Variants in ACYP2 observed in about 807,000 individuals in gnomAD.
ACYP2 encodes the protein acylphosphatase 2, also known as acylphosphatase-2.
A neutral mutation model predicts 11.2 loss-of-function variants in ACYP2; 12 were observed. The observed-to-expected ratio is 1.08, with a 90% CI of 0.69 to 1.74. The LOEUF is 1.74. Ranked by LOEUF, ACYP2 falls within the 40% of genes most tolerant of loss-of-function variation. ACYP2 has a pLI of 0.00. For synonymous variants in ACYP2, 43 were observed against 32.2 expected, an observed-to-expected ratio of 1.33 and a Z score of -1.13; for missense variants, 134 against 101.9, an observed-to-expected ratio of 1.31 and a Z score of -1.35.
chr2:54,041,498 G>T (rs1407769334), intron 2 of ACYP2, among the ~76,000 whole-genome samples: 3 of 152,198 alleles, frequency 2.0e-5, no homozygotes, highest in Non-Finnish European at 2.9e-5. Context: ...GGGAAATTCA[G>T]TGTGGTTGTT....
At chr2:54,140,549 CT>C (rs1681549354) in intron 6 of ACYP2, among the ~76,000 whole-genome samples, 1 of 147,542 alleles carries the variant, frequency 6.8e-6, no homozygotes, top group African/African-American at 2.5e-5. Context: ...CACACACACA[CT>C]TGCACACACA....
chr2:54,161,133 A>T (rs902450648), intron 6 of ACYP2, among the ~76,000 whole-genome samples: 1 of 152,192 alleles, frequency 6.6e-6, no homozygotes, highest in African/African-American at 2.4e-5. Flanking sequence ...TGTGATCCAC[A>T]TGAAAGCTTC....
intron 6 of ACYP2, chr2:54,255,313 A>C: frequency 6.2e-7 from 1 of 1,614,208 alleles, no homozygotes; most frequent in Non-Finnish European, 8.5e-7. Context: ...CTTCACTTCC[A>C]AATTGGTTAA....
intron 6 of ACYP2, among the ~76,000 whole-genome samples, chr2:54,172,345 T>C (rs1176037278): frequency 6.6e-6 from 1 of 152,218 alleles, no homozygotes; most frequent in Non-Finnish European, 1.5e-5. Flanking sequence ...CTTTTAAAAT[T>C]GAAGATGTTT....
At chr2:54,276,558 G>T (rs555138630) in intron 6 of ACYP2, among the ~76,000 whole-genome samples, 2 of 150,972 alleles carry the variant, frequency 1.3e-5, no homozygotes, top group African/African-American at 4.9e-5. Context: ...TTATTGTAAT[G>T]ACTTTGACTT....
At chr2:54,258,821 T>G (rs1687661892) in intron 6 of ACYP2, among the ~76,000 whole-genome samples, 2 of 152,140 alleles carry the variant, frequency 1.3e-5, no homozygotes, top group African/African-American at 4.8e-5. Flanking sequence ...ACTGGGTAAT[T>G]TATAAAGAAA....
chr2:54,186,205 C>T (rs1231846299), intron 6 of ACYP2, among the ~76,000 whole-genome samples: 1 of 152,046 alleles, frequency 6.6e-6, no homozygotes, highest in Non-Finnish European at 1.5e-5. Context: ...TAATTGTTCG[C>T]TTTAAAATGT....
At chr2:54,151,963 G>C (rs1377452505) in intron 6 of ACYP2, among the ~76,000 whole-genome samples, 1 of 151,960 alleles carries the variant, frequency 6.6e-6, no homozygotes, top group Non-Finnish European at 1.5e-5. Context: ...ACTACAGAGA[G>C]TTTCCATATA....
intron 6 of ACYP2, among the ~76,000 whole-genome samples, chr2:54,148,883 G>C (rs935139539): frequency 2.0e-4 from 30 of 152,232 alleles, no homozygotes; most frequent in African/African-American, 7.2e-4. Flanking sequence ...GTCAGACTCA[G>C]TGTGGCACAT....
chr2:54,053,661 C>T (rs897373472), intron 3 of ACYP2, among the ~76,000 whole-genome samples: 1 of 152,208 alleles, frequency 6.6e-6, no homozygotes, highest in Non-Finnish European at 1.5e-5. Flanking sequence ...ACTCCTCTGC[C>T]ACCAAGTAGA....
chr2:53,973,885 GTGTGTGTGTGTGTGTGTA>G lies in ACYP2; in HGVS notation c.62+77_62+94del, dbSNP rs1353781131. On this transcript the variant is annotated intron_variant, in intron 2 of 6. Transcript: ENST00000607452. The stretch of plus-strand genomic sequence containing the variant: ...TGTGTGTGTGTGTGTGTGTGTGTGT[GTGTGTGTGTGTGTGTGTA>G]TATATTTTTTTTTTTTTTTTTTTTT... 17 of 121,592 alleles carry G rather than the reference GTGTGTGTGTGTGTGTGTA, an allele frequency of 1.4e-4. 1 individual carries two copies. The highest frequency in any genetic ancestry group is 2.6e-4 in the Non-Finnish European group (17 of 64,338). 7.5% of individuals were successfully genotyped at this position (121,592 alleles called of 1,614,324 possible). A position where few individuals can be genotyped will look rare whatever the true frequency, so the allele number is the denominator to read the frequency against.
At chr2:54,274,384 T>C (rs1243004629) in intron 6 of ACYP2, among the ~76,000 whole-genome samples, 1 of 152,046 alleles carries the variant, frequency 6.6e-6, no homozygotes, top group Non-Finnish European at 1.5e-5. Context: ...ATATCAACTG[T>C]AATCCCAGCA....
intron 6 of ACYP2, among the ~76,000 whole-genome samples, chr2:54,285,403 A>G (rs1689038409): frequency 6.6e-6 from 1 of 152,102 alleles, no homozygotes; most frequent in African/African-American, 2.4e-5. Flanking sequence ...GTTTCCATTT[A>G]TTCCCAGGTA....
intron 4 of ACYP2, among the ~76,000 whole-genome samples, chr2:54,105,858 G>GTAA (rs1679130105): frequency 6.6e-6 from 1 of 151,974 alleles, no homozygotes. Context: ...TGGGTATTCA[G>GTAA]TAAACATCTG....
intron 6 of ACYP2, among the ~76,000 whole-genome samples, chr2:54,146,119 T>G (rs967268358): frequency 1.3e-5 from 2 of 152,240 alleles, no homozygotes; most frequent in Non-Finnish European, 2.9e-5. Context: ...CTTGACTGAT[T>G]GACTTACAAA....
intron 6 of ACYP2, among the ~76,000 whole-genome samples, chr2:54,147,981 G>A (rs759754664): frequency 6.6e-6 from 1 of 152,090 alleles, no homozygotes; most frequent in African/African-American, 2.4e-5. Context: ...AAGTTTGGAG[G>A]CAGATGGTTA....
At chr2:54,091,245 A>T (rs1246822102) in intron 4 of ACYP2, among the ~76,000 whole-genome samples, 1 of 152,184 alleles carries the variant, frequency 6.6e-6, no homozygotes, top group East Asian at 1.9e-4. Context: ...AGGACAGGGG[A>T]AAGCATGTGT....
At chr2:54,273,610 G>A (rs1490144134) in intron 6 of ACYP2, among the ~76,000 whole-genome samples, 1 of 152,040 alleles carries the variant, frequency 6.6e-6, no homozygotes, top group African/African-American at 2.4e-5. Flanking sequence ...GATTACAGGT[G>A]CCCACCACTA....
At chr2:54,270,688 T>G (rs1688258569) in intron 6 of ACYP2, among the ~76,000 whole-genome samples, 1 of 152,230 alleles carries the variant, frequency 6.6e-6, no homozygotes. Flanking sequence ...CCTAATTTTA[T>G]GATAGTATAT....
Sources: gnomAD v4.1 joint callset for allele counts (sites outside exome capture counted in the v4.1 genomes callset) on GRCh38, gnomAD v4.1.1 for gene constraint, MANE v1.5 for transcripts, NCBI Gene and HGNC (gene_info 2026-07-23, HGNC 2026-07-21) for gene names.